Variants in ATP10B observed in about 807,000 individuals in gnomAD.
The protein encoded by ATP10B is ATPase phospholipid transporting 10B (putative), also known as phospholipid-transporting ATPase VB.
A neutral mutation model predicts 141.2 loss-of-function variants in ATP10B; 122 were observed. The observed-to-expected ratio is 0.86, with a 90% CI of 0.75 to 1.00. The LOEUF is 1.00. Among genes scored for constraint, ATP10B ranks in the 50% least tolerant of loss-of-function variants. The pLI, the probability that ATP10B is intolerant of heterozygous loss-of-function variation, is 0.00. For synonymous variants in ATP10B, 685 were observed against 692.0 expected, an observed-to-expected ratio of 0.99 and a Z score of 0.16; for missense variants, 1,876 against 1,825.3, an observed-to-expected ratio of 1.03 and a Z score of -0.51.
At chr5:160,739,820 GTTTT>G (rs1363277613) in intron 2 of ATP10B, among the ~76,000 whole-genome samples, 1 of 146,500 alleles carries the variant, frequency 6.8e-6, no homozygotes, top group African/African-American at 2.5e-5. Context: ...TTTTGTTTTT[GTTTT>G]TTAAAATTGT....
At chr5:160,716,206 T>C (rs1006190739) in intron 3 of ATP10B, among the ~76,000 whole-genome samples, 6 of 152,158 alleles carry the variant, frequency 3.9e-5, no homozygotes, top group African/African-American at 1.4e-4. Flanking sequence ...AATTGTAACA[T>C]ATTTATATAA....
chr5:160,752,349 C>T (rs188240316), intron 2 of ATP10B, among the ~76,000 whole-genome samples: 24 of 152,188 alleles, frequency 1.6e-4, no homozygotes, highest in Admixed American at 1.2e-3. Flanking sequence ...GTTACAGAAG[C>T]AGCTTGTGAC....
At chr5:160,715,538 C>T (rs948028740) in intron 3 of ATP10B, among the ~76,000 whole-genome samples, 2 of 147,802 alleles carry the variant, frequency 1.4e-5, no homozygotes, top group African/African-American at 5.0e-5. Context: ...GAGATGAACC[C>T]GGTACCTCAG....
chr5:160,715,516 G>T (rs1456201654), intron 3 of ATP10B, among the ~76,000 whole-genome samples: 1 of 144,912 alleles, frequency 6.9e-6, no homozygotes, highest in Non-Finnish European at 1.5e-5. Context: ...CCACTGTCTG[G>T]CACTCCCTAG....
chr5:160,636,277 G>T lies in ATP10B; in HGVS notation c.1033C>A (p.His345Asn), dbSNP rs755238165. 1.2e-6 allele frequency: 2 copies of T among 1,613,442 alleles called. No individual in the cohort carries two copies. The highest frequency in any genetic ancestry group is 2.7e-5 in the African/African-American group (2 of 75,026). Residue 345 changes from histidine to asparagine, a missense_variant, in exon 11 of 26, where the codon CAC becomes AAC. By Grantham distance (68) the His-to-Asn change is moderately conservative. Transcript: ENST00000327245. ...HSIWNGTFEEHPPFDVPDANG... is the reference protein window; with the variant it reads ...HSIWNGTFEENPPFDVPDANG... Reference sequence around the variant, plus strand: ...GCATCTGGCACATCGAAGGGAGGGTGTTCTTCAAAGGTCCCATTCCAGATG... The same window carrying T: ...GCATCTGGCACATCGAAGGGAGGGTTTTCTTCAAAGGTCCCATTCCAGATG...
rs1160115330 is a variant in ATP10B, at chr5:160,649,155, G to A, written c.761+16C>T. On this transcript the variant is annotated intron_variant, in intron 8 of 25. Transcript: ENST00000327245. ...GCGGAGATATTTACTAGCAGCATGG[G>A]ACATGAGATACTTACATATAACCCT... 2 of 1,571,396 alleles carry A rather than the reference G, an allele frequency of 1.3e-6. No individual in the cohort carries two copies. The highest frequency in any genetic ancestry group is 2.7e-5 in the African/African-American group (2 of 74,074).
chr5:160,599,718 C>T (rs1392735167), intron 21 of ATP10B, among the ~76,000 whole-genome samples: 1 of 152,274 alleles, frequency 6.6e-6, no homozygotes, highest in African/African-American at 2.4e-5. Context: ...AAATGTTGTT[C>T]ATTTTTTTCT....
chr5:160,594,151 A>C (rs1756517708), intron 22 of ATP10B, among the ~76,000 whole-genome samples: 3 of 152,200 alleles, frequency 2.0e-5, no homozygotes, highest in Admixed American at 1.3e-4. Flanking sequence ...AGGTCAGGTT[A>C]CCCACAAAGG....
rs566925437 is a variant in ATP10B at position 160,636,791 on chromosome 5, CCTACCCAT to C, written c.1001-490_1001-483del. On this transcript the variant is annotated intron_variant, in intron 10 of 25. Coordinates refer to ENST00000327245, the MANE Select transcript of ATP10B (RefSeq NM_025153.3). Reference sequence around the variant, plus strand: ...ATCTATCCATTCATCCATCCATCCACCTACCCATCTACTCACCCGTCCATCCACCCATC... The same window carrying C: ...ATCTATCCATTCATCCATCCATCCACCTACTCACCCGTCCATCCACCCATC... Among the ~76,000 whole-genome samples the C allele has an allele frequency of 3.0e-3, 453 of 150,230 alleles. 1 individual carries two copies. The highest frequency in any genetic ancestry group is 0.011 in the African/African-American group (435 of 40,814).
At chr5:160,666,346 G>T (rs910522965) in intron 7 of ATP10B, among the ~76,000 whole-genome samples, 2 of 152,194 alleles carry the variant, frequency 1.3e-5, no homozygotes, top group Non-Finnish European at 2.9e-5. Flanking sequence ...CTTCCCGTGT[G>T]ATGATTATGA....
intron 14 of ATP10B, 124 bp downstream of exon 14, chr5:160,622,270 A>C: frequency 1.1e-6 from 1 of 915,028 alleles, no homozygotes; most frequent in Non-Finnish European, 1.6e-6. Flanking sequence ...CTGTGATGAA[A>C]TGACACTGTT....
chr5:160,651,911 T>A (rs1760767721), intron 7 of ATP10B, among the ~76,000 whole-genome samples: 1 of 152,160 alleles, frequency 6.6e-6, no homozygotes, highest in Non-Finnish European at 1.5e-5. Context: ...ATGCCCCTGA[T>A]TAAGTCATGT....
chr5:160,870,541 A>C, the ATP10B span, among the ~76,000 whole-genome samples: 5 of 152,126 alleles, frequency 3.3e-5, no homozygotes, highest in Non-Finnish European at 7.4e-5. Context: ...AGAAAAAGAC[A>C]AACTAAAAAC....
chr5:160,789,530 A>T (rs553470422), intron 1 of ATP10B, among the ~76,000 whole-genome samples: 11 of 152,318 alleles, frequency 7.2e-5, no homozygotes, highest in African/African-American at 2.4e-4. Context: ...GTACAATAAA[A>T]ATATGGTAGT....
intron 2 of ATP10B, among the ~76,000 whole-genome samples, chr5:160,728,788 C>T (rs540214576): frequency 1.3e-5 from 2 of 151,536 alleles, no homozygotes; most frequent in East Asian, 3.9e-4. Flanking sequence ...TTCACGGAAC[C>T]CTTTTGCTGG....
the ATP10B span, among the ~76,000 whole-genome samples, chr5:160,873,114 GTTT>G: frequency 1.4e-5 from 2 of 145,498 alleles, no homozygotes; most frequent in African/African-American, 2.5e-5. Flanking sequence ...TATTCCTAAG[GTTT>G]TTTTTGTTTT....
chr5:160,842,912 CAT>C (rs1198958549), intron 1 of ATP10B, among the ~76,000 whole-genome samples: 2 of 151,868 alleles, frequency 1.3e-5, no homozygotes, highest in Non-Finnish European at 2.9e-5. Flanking sequence ...TTTCAGAAAA[CAT>C]AAAAATAGAA....
chr5:160,803,864 T>G (rs1218630166), intron 1 of ATP10B, among the ~76,000 whole-genome samples: 11 of 152,148 alleles, frequency 7.2e-5, no homozygotes, highest in Admixed American at 4.6e-4. Context: ...TGTTATTTAT[T>G]TAACTGGTAT....
intron 1 of ATP10B, among the ~76,000 whole-genome samples, chr5:160,834,897 C>G (rs115015344): frequency 7.9e-5 from 12 of 152,126 alleles, no homozygotes; most frequent in Non-Finnish European, 1.5e-4. Context: ...AGTCTGTATG[C>G]ATCTATAGCA....
Sources: gnomAD v4.1 joint callset for allele counts (sites outside exome capture counted in the v4.1 genomes callset) on GRCh38, gnomAD v4.1.1 for gene constraint, MANE v1.5 for transcripts, NCBI Gene and HGNC (gene_info 2026-07-23, HGNC 2026-07-21) for gene names.